Variants in ENOX1 observed in about 807,000 individuals in gnomAD.
The protein encoded by ENOX1 is candidate growth-related and time keeping constitutive hydroquinone (NADH) oxidase.
A neutral mutation model predicts 82.5 loss-of-function variants in ENOX1; 42 were observed. The observed-to-expected ratio is 0.51, with a 90% CI of 0.40 to 0.66. ENOX1 has a LOEUF of 0.66. ENOX1 is among the 30% of genes least tolerant of loss of function. ENOX1 has a pLI of 0.00. For missense variants in ENOX1, 608 were observed against 811.6 expected, an observed-to-expected ratio of 0.75 and a Z score of 3.05; for synonymous variants, 271 against 282.2, an observed-to-expected ratio of 0.96 and a Z score of 0.40.
At chr13:43,359,402 C>T (rs951797115) in intron 7 of ENOX1, among the ~76,000 whole-genome samples, 1 of 152,232 alleles carries the variant, frequency 6.6e-6, no homozygotes, top group African/African-American at 2.4e-5. Flanking sequence ...GGCAATGATA[C>T]TGGGCCTTCT....
intron 3 of ENOX1, among the ~76,000 whole-genome samples, chr13:43,440,823 T>C (rs1227408333): frequency 1.3e-5 from 2 of 152,200 alleles, no homozygotes; most frequent in Admixed American, 1.3e-4. Flanking sequence ...AAGAATACTA[T>C]GTTTTGATTA....
At chr13:43,478,459 A>C (rs2058379850) in intron 3 of ENOX1, among the ~76,000 whole-genome samples, 1 of 152,172 alleles carries the variant, frequency 6.6e-6, no homozygotes, top group South Asian at 2.1e-4. Context: ...GCAAAAAAGA[A>C]GACAAGACAG....
intron 2 of ENOX1, among the ~76,000 whole-genome samples, chr13:43,576,528 T>C (rs991932143): frequency 2.0e-4 from 30 of 152,140 alleles, no homozygotes; most frequent in African/African-American, 7.0e-4. Flanking sequence ...CATTAAGATG[T>C]GCTGTAGTGT....
At chr13:43,313,592 A>G (rs2047328088) in intron 11 of ENOX1, among the ~76,000 whole-genome samples, 1 of 151,878 alleles carries the variant, frequency 6.6e-6, no homozygotes, top group Non-Finnish European at 1.5e-5. Flanking sequence ...AAATGCACAG[A>G]AAAAAAATCA....
At chr13:43,349,514 T>G (rs1285039132) in intron 8 of ENOX1, among the ~76,000 whole-genome samples, 1 of 151,494 alleles carries the variant, frequency 6.6e-6, no homozygotes, top group East Asian at 1.9e-4. Context: ...TCTCCCTCTC[T>G]TCCACATTTA....
chr13:43,544,933 C>G (rs935889891), intron 2 of ENOX1: 5 of 152,160 alleles, frequency 3.3e-5, no homozygotes, highest in Non-Finnish European at 5.9e-5. Flanking sequence ...TGCTCTGAAA[C>G]CAGCCTGACA....
At chr13:43,273,759 A>G (rs2044835722) in intron 12 of ENOX1, among the ~76,000 whole-genome samples, 1 of 152,178 alleles carries the variant, frequency 6.6e-6, no homozygotes, top group South Asian at 2.1e-4. Flanking sequence ...CTTGCTCCAA[A>G]AAAATATTCT....
intron 12 of ENOX1, among the ~76,000 whole-genome samples, chr13:43,274,330 C>T (rs563289170): frequency 7.0e-4 from 106 of 152,306 alleles, no homozygotes; most frequent in African/African-American, 2.5e-3. Flanking sequence ...CTGTTTTCTG[C>T]ATTCTGCAAA....
intron 15 of ENOX1, among the ~76,000 whole-genome samples, chr13:43,229,578 A>G (rs1195813426): frequency 1.3e-5 from 2 of 152,166 alleles, no homozygotes; most frequent in Non-Finnish European, 2.9e-5. Context: ...AAACCAAAAG[A>G]GTGGTTCTAA....
chr13:43,721,885 C>G (rs78060803), intron 1 of ENOX1, among the ~76,000 whole-genome samples: 1 of 152,108 alleles, frequency 6.6e-6, no homozygotes, highest in Admixed American at 6.5e-5. Flanking sequence ...TCAGTAAACA[C>G]TTGTTAAACA....
chr13:43,465,805 C>A (rs977124033), intron 3 of ENOX1, among the ~76,000 whole-genome samples: 2 of 152,094 alleles, frequency 1.3e-5, no homozygotes, highest in African/African-American at 4.8e-5. Flanking sequence ...TGTTGCAGCC[C>A]CCTCTCCTAG....
At chr13:43,241,555 A>G (rs1454069501) in intron 14 of ENOX1, among the ~76,000 whole-genome samples, 1 of 152,182 alleles carries the variant, frequency 6.6e-6, no homozygotes, top group East Asian at 1.9e-4. Flanking sequence ...GGAAGTGGGA[A>G]GAACACAGTA....
At chr13:43,570,669 C>T (rs1024989706) in intron 2 of ENOX1, among the ~76,000 whole-genome samples, 7 of 152,066 alleles carry the variant, frequency 4.6e-5, no homozygotes, top group African/African-American at 1.7e-4. Flanking sequence ...CGGGATAGAA[C>T]AAACTGCAGT....
intron 2 of ENOX1, among the ~76,000 whole-genome samples, chr13:43,613,310 G>T (rs555501588): frequency 3.9e-5 from 6 of 152,164 alleles, no homozygotes; most frequent in African/African-American, 1.4e-4. Context: ...AATTAAAAAT[G>T]ACTCAACTAT....
In ENOX1 at chr13:43,623,428, C is replaced by A. The variant is rs139055921; in HGVS notation, c.-219+44051G>T. 1.1e-4 allele frequency among the ~76,000 whole-genome samples: 17 copies of A among 152,264 alleles called. No homozygotes were observed. The East Asian group carries it at 3.1e-3, about 28-fold the overall frequency. On this transcript the variant is annotated intron_variant, in intron 2 of 16. Transcript: ENST00000690772. ...CAGTGAGTTCCCAGGGCCCTTCTCACTGTTTCCTCTACTCCTGTATTTTGC... is the reference window on the plus strand; with the variant it reads ...CAGTGAGTTCCCAGGGCCCTTCTCAATGTTTCCTCTACTCCTGTATTTTGC...
intron 2 of ENOX1, among the ~76,000 whole-genome samples, chr13:43,624,509 C>T (rs1594153677): frequency 6.6e-6 from 1 of 151,846 alleles, no homozygotes; most frequent in African/African-American, 2.4e-5. Context: ...CGTATTTTTC[C>T]AATAGTTTTA....
At chr13:43,269,369 C>T (rs1188580269) in intron 13 of ENOX1, 101 bp downstream of exon 13, 11 of 883,524 alleles carry the variant, frequency 1.2e-5, no homozygotes, top group Non-Finnish European at 2.1e-5. Flanking sequence ...AATTGTACTG[C>T]AGATTACTTT....
At chr13:43,736,494 T>C (rs542381056) in intron 1 of ENOX1, among the ~76,000 whole-genome samples, 34 of 129,798 alleles carry the variant, frequency 2.6e-4, no homozygotes, top group African/African-American at 1.2e-3. Flanking sequence ...CATTTTCAAA[T>C]TGCACAGAGC....
chr13:43,439,232 T>C (rs1237517218), intron 3 of ENOX1, among the ~76,000 whole-genome samples: 2 of 151,646 alleles, frequency 1.3e-5, no homozygotes, highest in African/African-American at 4.8e-5. Context: ...TTTGTATTTT[T>C]TTTTTCACTT....
Sources: allele counts gnomAD v4.1 joint callset (sites outside exome capture counted in the v4.1 genomes callset), GRCh38; gene constraint gnomAD v4.1.1; transcripts MANE v1.5; gene names NCBI Gene and HGNC (gene_info 2026-07-23, HGNC 2026-07-21).